The following FAM185A variants were observed in gnomAD, a reference collection of about 807,000 sequenced individuals.
FAM185A encodes the protein protein FAM185A.
A neutral mutation model predicts 45.7 loss-of-function variants in FAM185A; 21 were observed. The ratio of observed to expected loss-of-function variants is 0.46; its 90% CI spans 0.33 to 0.66. FAM185A has a LOEUF of 0.66. Among genes scored for constraint, FAM185A ranks in the 30% least tolerant of loss-of-function variants. The pLI is 0.03. For synonymous variants in FAM185A, 117 were observed against 194.0 expected, an observed-to-expected ratio of 0.60 and a Z score of 3.30; for missense variants, 305 against 485.4, an observed-to-expected ratio of 0.63 and a Z score of 3.49.
chr7:102,821,000 CAAT>C, the FAM185A span, among the ~76,000 whole-genome samples: 1 of 152,148 alleles, frequency 6.6e-6, no homozygotes, highest in Non-Finnish European at 1.5e-5. Context: ...ATTAGAAATT[CAAT>C]AATATTACCT....
At chr7:102,783,874 A>C (rs886113528) in intron 6 of FAM185A, among the ~76,000 whole-genome samples, 6 of 152,232 alleles carry the variant, frequency 3.9e-5, no homozygotes, top group African/African-American at 1.4e-4. Context: ...AAAACCCTTC[A>C]AAAAATCAAT....
chr7:102,749,882 T>A (rs1474584869), intron 1 of FAM185A, among the ~76,000 whole-genome samples: 1 of 152,214 alleles, frequency 6.6e-6, no homozygotes, highest in Non-Finnish European at 1.5e-5. Flanking sequence ...AATGGAAACA[T>A]GATTTGGTAT....
At chr7:102,797,255 G>A (rs1796486016) in intron 7 of FAM185A, among the ~76,000 whole-genome samples, 1 of 152,214 alleles carries the variant, frequency 6.6e-6, no homozygotes, top group South Asian at 2.1e-4. Context: ...GAGGTCAGGA[G>A]ATAGAGACCA....
intron 6 of FAM185A, among the ~76,000 whole-genome samples, chr7:102,785,928 T>C (rs528659413): frequency 1.3e-5 from 2 of 152,212 alleles, no homozygotes; most frequent in Admixed American, 1.3e-4. Context: ...TGCAATCTAC[T>C]CTTCTGACAA....
chr7:102,813,680 G>A (rs1797609480), downstream of FAM185A: 3 of 753,934 alleles, frequency 4.0e-6, no homozygotes, highest in Admixed American at 8.4e-5. Flanking sequence ...GTGAGGATAT[G>A]GGTAAGTGTA....
chr7:102,770,674 G>A (rs1794695464), intron 4 of FAM185A, among the ~76,000 whole-genome samples: 1 of 152,118 alleles, frequency 6.6e-6, no homozygotes. Context: ...ACACCAGTCA[G>A]AATGGCTATT....
At chr7:102,819,936 T>A in the FAM185A span, among the ~76,000 whole-genome samples, 1 of 152,220 alleles carries the variant, frequency 6.6e-6, no homozygotes, top group Admixed American at 6.5e-5. Flanking sequence ...GAAAGCTGCA[T>A]GCAACTAGGC....
chr7:102,777,695 T>C (rs1033384610), intron 6 of FAM185A, among the ~76,000 whole-genome samples: 2 of 87,150 alleles, frequency 2.3e-5, no homozygotes, highest in African/African-American at 4.0e-5. Flanking sequence ...ATACACTCTT[T>C]TGGAAGCTTC....
chr7:102,753,741 C>CAAA (rs551321147), intron 2 of FAM185A, among the ~76,000 whole-genome samples: 41 of 145,168 alleles, frequency 2.8e-4, no homozygotes, highest in African/African-American at 6.3e-4. Context: ...GATGAATTAG[C>CAAA]AAAAAAAAAA....
At chr7:102,820,441 AGTCTTAC>A in the FAM185A span, among the ~76,000 whole-genome samples, 1 of 152,238 alleles carries the variant, frequency 6.6e-6, no homozygotes, top group Non-Finnish European at 1.5e-5. Flanking sequence ...CTAGTAGTCA[AGTCTTAC>A]TATGCCTTGT....
chr7:102,752,804 T>C (rs67718350), intron 2 of FAM185A, among the ~76,000 whole-genome samples: 101,858 of 122,266 alleles, frequency 0.83, 42,897 homozygotes, highest in Middle Eastern at 0.9. Context: ...GCTAGCTTAT[T>C]GTTACTCTTA....
At chr7:102,762,523 C>A (rs952407914) in intron 4 of FAM185A, among the ~76,000 whole-genome samples, 6 of 152,118 alleles carry the variant, frequency 3.9e-5, no homozygotes, top group African/African-American at 4.8e-5. Context: ...ATAGTCCACT[C>A]ATTTCACCTC....
chr7:102,761,814 C>G (rs1368257768), intron 4 of FAM185A, among the ~76,000 whole-genome samples: 1 of 152,052 alleles, frequency 6.6e-6, no homozygotes, highest in Non-Finnish European at 1.5e-5. Flanking sequence ...CAGGTGTGCG[C>G]TATCACGCTA....
At position 102,749,461 on chromosome 7, in the gene FAM185A, T is replaced by C; in HGVS notation, c.254T>C (p.Leu85Pro). The C allele has an allele frequency of 1.0e-5, 16 of 1,547,364 alleles. No homozygotes were observed. The highest frequency in any genetic ancestry group is 1.2e-5 in the Non-Finnish European group (14 of 1,145,956). Residue 85 changes from leucine to proline, a missense_variant, in exon 1 of 8, where the codon CTG (leucine) becomes CCG (proline). Physicochemically the swap from Leu to Pro is moderately conservative, Grantham distance 98 (BLOSUM62 -3). Coordinates refer to ENST00000413034, the MANE Select transcript of FAM185A (RefSeq NM_001145268.2). Reference sequence around the variant, plus strand: ...CTGCGGGCGCGGCTCCCGTGCCACCTGGCCGTGAGGCCCCTGGACCCCCTC... The same window carrying C: ...CTGCGGGCGCGGCTCCCGTGCCACCCGGCCGTGAGGCCCCTGGACCCCCTC... ...GRLRARLPCH[L>P]AVRPLDPLTY...
chr7:102,758,643 A>G (rs2129433356), intron 3 of FAM185A, among the ~76,000 whole-genome samples: 1 of 151,894 alleles, frequency 6.6e-6, no homozygotes, highest in East Asian at 1.9e-4. Flanking sequence ...CTTTTATTTT[A>G]CACTTATACA....
rs1276185285 is a variant in FAM185A at position 102,775,005 on chromosome 7, TTTTTG to T, written c.836-2243_836-2239del. Among the ~76,000 whole-genome samples the T allele has an allele frequency of 4.5e-5, 4 of 88,664 alleles. No individual in the cohort carries two copies. In the Admixed American group the frequency reaches 4.8e-4, roughly 11 times the overall value. 58.2% of individuals were successfully genotyped at this position (88,664 alleles called of 152,430 possible). A position where few individuals can be genotyped will look rare whatever the true frequency, so the allele number is the denominator to read the frequency against. On this transcript the variant is annotated intron_variant, in intron 5 of 7. Transcript: ENST00000413034. Reference sequence around the variant, plus strand: ...TTGGTATCTTTTGTGGTGTGTTTTGTTTTTGTTTTTTTTTTTTGCTTTTGCTGACT... The same window carrying T: ...TTGGTATCTTTTGTGGTGTGTTTTGTTTTTTTTTTTTTGCTTTTGCTGACT...
downstream of FAM185A, among the ~76,000 whole-genome samples, chr7:102,811,390 A>G (rs1457836042): frequency 6.6e-6 from 1 of 152,232 alleles, no homozygotes; most frequent in African/African-American, 2.4e-5. Context: ...TCGAAAACTT[A>G]AAAGATTTCT....
intron 7 of FAM185A, among the ~76,000 whole-genome samples, chr7:102,787,854 C>G (rs1214941505): frequency 2.0e-5 from 3 of 152,196 alleles, no homozygotes; most frequent in Non-Finnish European, 4.4e-5. Context: ...TAAACTTGCT[C>G]TTTCAGAACA....
intron 7 of FAM185A, among the ~76,000 whole-genome samples, chr7:102,797,512 A>G (rs551034089): frequency 1.3e-5 from 2 of 152,184 alleles, no homozygotes; most frequent in African/African-American, 4.8e-5. Flanking sequence ...CAAAATTAAA[A>G]TATTTTGTTA....
Sources: gnomAD v4.1 joint callset for allele counts (sites outside exome capture counted in the v4.1 genomes callset) on GRCh38, gnomAD v4.1.1 for gene constraint, MANE v1.5 for transcripts, NCBI Gene and HGNC (gene_info 2026-07-23, HGNC 2026-07-21) for gene names.